CDC42BPB: variants seen among roughly 807,000 people sequenced by gnomAD.
The protein encoded by CDC42BPB is CDC42 binding protein kinase beta.
CDC42BPB carries 37 observed loss-of-function variants against 214.9 expected under a neutral mutation model. That is an observed-to-expected ratio of 0.17 (90% CI 0.13 to 0.23). The LOEUF (loss-of-function observed/expected upper bound fraction) is 0.23. Among genes scored for constraint, CDC42BPB ranks in the 10% least tolerant of loss-of-function variants. CDC42BPB has a pLI of 1.00. For synonymous variants in CDC42BPB, 931 were observed against 884.0 expected, an observed-to-expected ratio of 1.05 and a Z score of -0.94; for missense variants, 1,694 against 2,227.0, an observed-to-expected ratio of 0.76 and a Z score of 4.82.
In CDC42BPB at chr14:102,976,008, G is replaced by A; in HGVS notation, c.1262C>T (p.Ser421Phe). 2.5e-6 allele frequency: 4 copies of A among 1,614,204 alleles called. No homozygotes were observed. The highest frequency in any genetic ancestry group is 3.4e-6 in the Non-Finnish European group (4 of 1,180,030). Residue 421 changes from serine to phenylalanine, a missense_variant, in exon 10 of 37, where the codon TCC becomes TTC. Coordinates refer to ENST00000361246, the MANE Select transcript of CDC42BPB (RefSeq NM_006035.4). The part of the protein sequence containing the change: ...DRGSLKSIMQ[S>F]NTLTKDEDVQ... ...ATCCTCATCTTTGGTTAATGTGTTG[G>A]ACTGCATTATGCTCTTCAGAGAGCC...
intron 3 of CDC42BPB, among the ~76,000 whole-genome samples, chr14:103,006,263 A>G (rs1176586774): frequency 6.6e-6 from 1 of 152,184 alleles, no homozygotes; most frequent in Non-Finnish European, 1.5e-5. Flanking sequence ...CCAAAAAGAA[A>G]TGGTGATGGA....
chr14:103,018,164 G>A (rs1886572698), intron 1 of CDC42BPB, among the ~76,000 whole-genome samples: 2 of 152,162 alleles, frequency 1.3e-5, no homozygotes, highest in South Asian at 2.1e-4. Context: ...CTAATGCCAC[G>A]CTGATCTGAC....
At position 102,933,744 on chromosome 14, in the gene CDC42BPB, C is replaced by A; in HGVS notation, c.5104G>T (p.Glu1702Ter). The change falls in exon 37 of 37, where the codon GAA (glutamate) becomes TAA (stop). Residue 1702 changes from glutamate to a stop codon, truncating the protein, a stop_gained. Transcript: ENST00000361246. LOFTEE classifies it high-confidence loss of function. ...NSPHRSQLPL[E>*]GLEQPACDT ...TCACAGGCCGGCTGCTCCAGGCCTT[C>A]GAGGGGGAGCTGGCTCCTGTGGGGG... 1 of 1,491,032 alleles carries A rather than the reference C, an allele frequency of 6.7e-7. No homozygotes were observed. Among genetic ancestry groups the A allele is most frequent in the Non-Finnish European group, 8.8e-7 (1 of 1,135,794 alleles). The allele number at this position is 1,491,032 out of a possible 1,614,324, so 92.4% of individuals were successfully genotyped here.
At chr14:102,941,247 A>T (rs1891875999) in intron 30 of CDC42BPB, 2 of 985,358 alleles carry the variant, frequency 2.0e-6, no homozygotes, top group Non-Finnish European at 1.2e-6. Flanking sequence ...AGAGAGCTCC[A>T]GCTCAGTGCT....
rs370017384 is a variant in CDC42BPB at position 102,972,167 on chromosome 14, C to T, written c.1642-6G>A. On this transcript the variant is annotated splice_polypyrimidine_tract_variant and splice_region_variant and intron_variant, in intron 12 of 36. Transcript: ENST00000361246. Reference sequence around the variant, plus strand: ...TCTGAGGCTTCAACCAGTTGCTGAACAAAAACAATTATAGATGTTTTACGT... The same window carrying T: ...TCTGAGGCTTCAACCAGTTGCTGAATAAAAACAATTATAGATGTTTTACGT... 21 of 1,612,454 alleles carry T rather than the reference C, an allele frequency of 1.3e-5. No homozygotes were observed. Among genetic ancestry groups the T allele is most frequent in the Admixed American group, 3.3e-5 (2 of 59,790 alleles).
chr14:102,972,768 C>T (rs1185002889), intron 12 of CDC42BPB, among the ~76,000 whole-genome samples: 3 of 140,568 alleles, frequency 2.1e-5, no homozygotes, highest in Non-Finnish European at 4.5e-5. Context: ...ATGGGGGCAG[C>T]GTGCTTACAG....
chr14:102,972,090 C>G lies in CDC42BPB; in HGVS notation c.1713G>C (p.Lys571Asn). The change falls in exon 13 of 37, where the codon AAG becomes AAC. Residue 571 changes from lysine to asparagine, a missense_variant. Transcript: ENST00000361246. ...KELKDAHQQR[K>N]LALQEFSELN... ...GCTCCGAGAACTCCTGCAGGGCCAG[C>G]TTTCGCTGCTGATGGGCATCTTTGA... 1 of 1,614,288 alleles carries G rather than the reference C, an allele frequency of 6.2e-7. No homozygotes were observed. Among genetic ancestry groups the G allele is most frequent in the Non-Finnish European group, 8.5e-7 (1 of 1,180,056 alleles).
Position 102,944,904 on chromosome 14 carries a change from G to A in CDC42BPB, c.3812-417C>T, listed in dbSNP as rs1354695743. ...CGCTGCACATGAGGGACAAAGAGCT[G>A]TCCCCAACCCACTGGGACCCTGAGA... On this transcript the variant is annotated intron_variant, in intron 29 of 36. Transcript: ENST00000361246. The surrounding 1 kb of genome is among the most constrained non-coding windows in gnomAD (Gnocchi z 6.6). Among the ~76,000 whole-genome samples the A allele has an allele frequency of 2.2e-4, 33 of 152,166 alleles. No individual in the cohort carries two copies. Among genetic ancestry groups the A allele is most frequent in the Non-Finnish European group, 2.9e-5 (2 of 68,030 alleles).
At chr14:102,961,316 A>G (rs558175802) in intron 20 of CDC42BPB, among the ~76,000 whole-genome samples, 1 of 152,182 alleles carries the variant, frequency 6.6e-6, no homozygotes, top group Non-Finnish European at 1.5e-5. Context: ...TTGACACACA[A>G]AAAATTTTGA....
In CDC42BPB at chr14:102,979,903, C is replaced by T. The variant is rs568128988; in HGVS notation, c.1140+870G>A. Among the ~76,000 whole-genome samples the T allele has an allele frequency of 2.6e-5, 4 of 152,258 alleles. No homozygotes were observed. In the East Asian group the frequency reaches 7.7e-4, roughly 29 times the overall value. ...CAAGTCCCACAGCTGGAACCCAACT[C>T]GGAAAATCCTGATCTTAAACATCAG... On this transcript the variant is annotated intron_variant, in intron 8 of 36. Transcript: ENST00000361246.
intron 7 of CDC42BPB, among the ~76,000 whole-genome samples, 196 bp downstream of exon 7, chr14:102,983,360 C>T (rs1449325728): frequency 6.6e-6 from 1 of 152,048 alleles, no homozygotes; most frequent in Non-Finnish European, 1.5e-5. Context: ...CCCACATCTC[C>T]TGGTGCCGAC....
intron 5 of CDC42BPB, among the ~76,000 whole-genome samples, chr14:102,999,006 GAC>G (rs1317928291): frequency 6.0e-4 from 3 of 4,966 alleles, no homozygotes; most frequent in Admixed American, 3.6e-3. Context: ...GGGCGGTAGA[GAC>G]AGAGGACCCC....
At chr14:102,998,488 A>G (rs1389487242) in intron 5 of CDC42BPB, among the ~76,000 whole-genome samples, 2 of 152,238 alleles carry the variant, frequency 1.3e-5, no homozygotes, top group African/African-American at 4.8e-5. Flanking sequence ...TAAAAATACA[A>G]GTAAAACTAG....
At chr14:103,002,169 C>T (rs1298196031) in intron 4 of CDC42BPB, among the ~76,000 whole-genome samples, 1 of 152,168 alleles carries the variant, frequency 6.6e-6, no homozygotes, top group Non-Finnish European at 1.5e-5. Flanking sequence ...AGCCTGCACT[C>T]GGGCCAGCCT....
rs1250404274 is a variant in CDC42BPB at position 102,975,927 on chromosome 14, C to T, written c.1343G>A (p.Arg448Gln). 3.1e-6 allele frequency: 5 copies of T among 1,614,136 alleles called. No individual in the cohort carries two copies. Among genetic ancestry groups the T allele is most frequent in the Non-Finnish European group, 4.2e-6 (5 of 1,180,026 alleles). The change falls in exon 10 of 37, where the codon CGG becomes CAG. Residue 448 changes from arginine to glutamine, a missense_variant. Physicochemically the swap from Arg to Gln is conservative, Grantham distance 43 (BLOSUM62 1). This residue lies in a region of CDC42BPB where 462 missense variants were observed against 513.5 expected (regional missense o/e 0.90). Coordinates refer to ENST00000361246, the MANE Select transcript of CDC42BPB (RefSeq NM_006035.4). ...LQMEAYERRI[R>Q]RLEQEKLELS... ...CTCCAGCTTCTCCTGTTCCAGCCTCCGAATCCTCCTCTCGTAAGCTTCCAT... is the reference window on the plus strand; with the variant it reads ...CTCCAGCTTCTCCTGTTCCAGCCTCTGAATCCTCCTCTCGTAAGCTTCCAT...
chr14:103,006,115 C>T (rs1252998813), intron 3 of CDC42BPB, among the ~76,000 whole-genome samples: 1 of 152,002 alleles, frequency 6.6e-6, no homozygotes, highest in Non-Finnish European at 1.5e-5. Flanking sequence ...AATGTCCAGA[C>T]ATGCAGAGAC....
intron 11 of CDC42BPB, chr14:102,974,351 T>G: frequency 2.0e-6 from 2 of 984,526 alleles, no homozygotes; most frequent in Non-Finnish European, 2.4e-6. Context: ...TGCATGCCTG[T>G]GCTGAACAGG....
chr14:103,032,553 AAAAG>A (rs1198908895), intron 1 of CDC42BPB, among the ~76,000 whole-genome samples: 7 of 151,196 alleles, frequency 4.6e-5, no homozygotes, highest in African/African-American at 1.7e-4. Context: ...AAAAAAAAAA[AAAAG>A]GAGAGAGAAA....
At chr14:103,013,268 A>G (rs1390841328) in intron 1 of CDC42BPB, among the ~76,000 whole-genome samples, 1 of 152,182 alleles carries the variant, frequency 6.6e-6, no homozygotes, top group Non-Finnish European at 1.5e-5. Context: ...AAGGCAACAC[A>G]AGTGCTGGAG....
Sources: gnomAD v4.1 joint callset for allele counts (sites outside exome capture counted in the v4.1 genomes callset) on GRCh38, gnomAD v4.1.1 for gene constraint, gnomAD v4.1.1 regional missense constraint, Gnocchi (gnomAD v3.1) non-coding constraint, MANE v1.5 for transcripts, NCBI Gene and HGNC (gene_info 2026-07-23, HGNC 2026-07-21) for gene names.